JARID2: variants seen among roughly 807,000 people sequenced by gnomAD.
JARID2 encodes the protein protein Jumonji.
In JARID2, 21 loss-of-function variants were observed where a neutral mutation model predicts 125.6. That is an observed-to-expected ratio of 0.17 (90% CI 0.12 to 0.24). JARID2 has a LOEUF of 0.24. Ranked by LOEUF, JARID2 falls within the 10% of genes least tolerant of loss-of-function variation. The pLI is 1.00. For synonymous variants in JARID2, 736 were observed against 661.6 expected (o/e 1.11, Z -1.73); for missense variants, 1,303 against 1,639.6 (o/e 0.79, Z 3.55).
intron 1 of JARID2, among the ~76,000 whole-genome samples, chr6:15,356,949 G>A (rs539973593): frequency 5.3e-5 from 3 of 56,466 alleles, no homozygotes; most frequent in African/African-American, 5.3e-5. Context: ...GGGAGGCAGA[G>A]GTTGCAGTGA....
chr6:15,432,351 T>C (rs1767002174), intron 3 of JARID2, among the ~76,000 whole-genome samples: 2 of 152,190 alleles, frequency 1.3e-5, no homozygotes, highest in African/African-American at 2.4e-5. Flanking sequence ...TCACTTCAAC[T>C]TAAGAGGCAG....
chr6:15,507,607 A>G (rs1050854138), intron 11 of JARID2, among the ~76,000 whole-genome samples, 191 bp downstream of exon 11: 3 of 152,202 alleles, frequency 2.0e-5, no homozygotes, highest in Non-Finnish European at 4.4e-5. Flanking sequence ...GTCAGTAGAA[A>G]AGGTGGAAAG....
intron 2 of JARID2, among the ~76,000 whole-genome samples, chr6:15,381,640 T>C (rs1042685318): frequency 5.9e-5 from 9 of 152,250 alleles, no homozygotes; most frequent in Admixed American, 2.0e-4. Flanking sequence ...CGAGAAGGCT[T>C]GGGCTCTTTG....
intron 2 of JARID2, among the ~76,000 whole-genome samples, chr6:15,379,852 A>G (rs936994794): frequency 1.3e-5 from 2 of 152,072 alleles, no homozygotes; most frequent in East Asian, 3.9e-4. Context: ...TTTGGATCAG[A>G]CCTCCCATGC....
chr6:15,263,074 TTG>T (rs561238062), intron 1 of JARID2, among the ~76,000 whole-genome samples: 4,006 of 139,678 alleles, frequency 0.029, 56 homozygotes, highest in East Asian at 0.05. Flanking sequence ...GGGTGTGTGT[TTG>T]TGTGTGTGTG....
intron 1 of JARID2, among the ~76,000 whole-genome samples, chr6:15,275,090 G>T (rs1310109248): frequency 6.6e-6 from 1 of 152,158 alleles, no homozygotes; most frequent in Non-Finnish European, 1.5e-5. Flanking sequence ...GTGACTTGGG[G>T]TGACAACCTC....
chr6:15,492,541 G>C (rs1180505496), intron 6 of JARID2, among the ~76,000 whole-genome samples: 1 of 152,230 alleles, frequency 6.6e-6, no homozygotes, highest in African/African-American at 2.4e-5. Flanking sequence ...GCTCCTTATA[G>C]ACAAGTCCAG....
rs143704450 is a variant in JARID2, at chr6:15,480,640, G to A, written c.671-6667G>A. 4.0e-3 allele frequency among the ~76,000 whole-genome samples: 615 copies of A among 152,254 alleles called. 4 individuals carry two copies. Among genetic ancestry groups the A allele is most frequent in the African/African-American group, 0.014 (576 of 41,522 alleles). On this transcript the variant is annotated intron_variant, in intron 5 of 17. Coordinates refer to ENST00000341776, the MANE Select transcript of JARID2 (RefSeq NM_004973.4). ...CTTTGCCATTGCAGCAAGAGCTTTC[G>A]AAAAGATCATTCTTCTTATATTTGC...
At chr6:15,380,789 T>G (rs544113282) in intron 2 of JARID2, among the ~76,000 whole-genome samples, 1 of 152,218 alleles carries the variant, frequency 6.6e-6, no homozygotes, top group Non-Finnish European at 1.5e-5. Context: ...TGTGAATTCA[T>G]TGTTAACAAA....
intron 1 of JARID2, among the ~76,000 whole-genome samples, chr6:15,248,359 C>T (rs1259310653): frequency 3.2e-5 from 4 of 125,978 alleles, no homozygotes; most frequent in African/African-American, 5.8e-5. Context: ...GGCTTGCAGG[C>T]GGGCAGGAGG....
chr6:15,300,240 CT>C (rs1243618295), intron 1 of JARID2, among the ~76,000 whole-genome samples: 1 of 152,126 alleles, frequency 6.6e-6, no homozygotes, highest in African/African-American at 2.4e-5. Flanking sequence ...ACCACAGGAC[CT>C]TTTCTCTTGT....
intron 1 of JARID2, among the ~76,000 whole-genome samples, chr6:15,265,368 A>T (rs866415595): frequency 0.031 from 1,185 of 37,752 alleles, 12 homozygotes; most frequent in African/African-American, 0.14. Flanking sequence ...GTTTGCATTA[A>T]AAAAAAAAAA....
chr6:15,464,044 G>C (rs1035707625), intron 4 of JARID2, among the ~76,000 whole-genome samples: 10 of 152,050 alleles, frequency 6.6e-5, no homozygotes, highest in Non-Finnish European at 1.5e-4. Flanking sequence ...TAGATGCTTT[G>C]TGTCTTATGC....
At chr6:15,345,334 C>A (rs1763208647) in intron 1 of JARID2, among the ~76,000 whole-genome samples, 1 of 152,272 alleles carries the variant, frequency 6.6e-6, no homozygotes, top group South Asian at 2.1e-4. Context: ...TCCGGCTACC[C>A]AACTCTGATA....
intron 1 of JARID2, among the ~76,000 whole-genome samples, chr6:15,293,150 G>C (rs1271804717): frequency 6.6e-6 from 1 of 152,182 alleles, no homozygotes; most frequent in Non-Finnish European, 1.5e-5. Flanking sequence ...ACTTTGCCAT[G>C]TTCCTGTGTG....
At chr6:15,411,792 C>T (rs1765888301) in intron 3 of JARID2, among the ~76,000 whole-genome samples, 1 of 152,192 alleles carries the variant, frequency 6.6e-6, no homozygotes, top group Non-Finnish European at 1.5e-5. Context: ...GCAGAATTCT[C>T]TGAGTCTGGG....
intron 1 of JARID2, among the ~76,000 whole-genome samples, chr6:15,299,360 A>G (rs1020487617): frequency 6.6e-6 from 1 of 152,144 alleles, no homozygotes; most frequent in African/African-American, 2.4e-5. Context: ...TGTGTTTGGT[A>G]GAGGAAGGGA....
intron 2 of JARID2, among the ~76,000 whole-genome samples, chr6:15,384,465 G>A (rs560738172): frequency 1.9e-4 from 29 of 149,280 alleles, no homozygotes; most frequent in Middle Eastern, 3.6e-3. Context: ...TTGTCCGCTT[G>A]CCCCTTCTTC....
At chr6:15,326,161 C>T (rs909000665) in intron 1 of JARID2, among the ~76,000 whole-genome samples, 1 of 152,070 alleles carries the variant, frequency 6.6e-6, no homozygotes, top group African/African-American at 2.4e-5. Flanking sequence ...GAAGTATCAA[C>T]CCATGGTGAA....
Sources: gnomAD v4.1 joint callset for allele counts (sites outside exome capture counted in the v4.1 genomes callset) on GRCh38, gnomAD v4.1.1 for gene constraint, MANE v1.5 for transcripts, NCBI Gene and HGNC (gene_info 2026-07-23, HGNC 2026-07-21) for gene names.